TMC8: variants seen among roughly 807,000 people sequenced by gnomAD.
TMC8 encodes the protein transmembrane channel-like protein 8.
Under a neutral mutation model 76.0 loss-of-function variants are expected in TMC8, and 71 were observed. The observed-to-expected ratio is 0.93, with a 90% confidence interval of 0.77 to 1.14. TMC8 has a LOEUF of 1.14. TMC8 is among the 50% of genes most tolerant of loss of function. TMC8 has a pLI of 0.00. For missense variants in TMC8, 924 were observed against 947.9 expected (o/e 0.97, Z 0.33); for synonymous variants, 433 against 433.8 (o/e 1.00, Z 0.02).
In TMC8 at chr17:78,138,636, C is replaced by G. The variant is rs767967741; in HGVS notation, c.1727C>G (p.Pro576Arg). The G allele has an allele frequency of 3.1e-6, 5 of 1,613,846 alleles. No individual in the cohort carries two copies. The African/African-American group carries it at 6.7e-5, about 22-fold the overall frequency. ...TNYSAPWQVV[P>R]ELVALGLPPI... The stretch of plus-strand genomic sequence containing the variant: ...TACTCAGCACCCTGGCAAGTGGTCC[C>G]GGAGCTGGTGGCCCTTGGGCTCCCG... Residue 576 changes from proline to arginine, a missense_variant, in exon 14 of 16, where the codon CCG (proline) becomes CGG (arginine). Physicochemically the swap from Pro to Arg is moderately radical, Grantham distance 103. Transcript: ENST00000318430.
chr17:78,137,718 G>T lies in TMC8; in HGVS notation c.1253G>T (p.Cys418Phe). 1 of 1,613,334 alleles carries T rather than the reference G, an allele frequency of 6.2e-7. No individual in the cohort carries two copies. The highest frequency in any genetic ancestry group is 2.2e-5 in the East Asian group (1 of 44,886). The stretch of plus-strand genomic sequence containing the variant: ...GGGTCCCCTTCCCCTGCACCCCAGT[G>T]CTGGGAGAACTCCGTGGGGGAGGAG... ...SYGYNVCDYQCWENSVGEELY... is the reference protein window; with the variant it reads ...SYGYNVCDYQFWENSVGEELY... The change falls in exon 11 of 16, where the codon TGC (cysteine) becomes TTC (phenylalanine). Residue 418 changes from cysteine to phenylalanine, a missense_variant and splice_region_variant. Cys to Phe is a radical substitution (Grantham distance 205, BLOSUM62 -2). Transcript: ENST00000318430.
Position 78,138,496 on chromosome 17 carries a change from G to A in TMC8, c.1664+17G>A. On this transcript the variant is annotated intron_variant, in intron 13 of 15. Coordinates refer to ENST00000318430, the MANE Select transcript of TMC8 (RefSeq NM_152468.5). ...GGTCAGCAGGTGAGGGGAAGAGGAG[G>A]GGGGCACCCAGAGGCTGGCAGGGGC... The A allele has an allele frequency of 1.2e-6, 2 of 1,613,546 alleles. No homozygotes were observed. The highest frequency in any genetic ancestry group is 2.2e-5 in the South Asian group (2 of 91,078).
rs450474 is a variant in TMC8, at chr17:78,133,261, T to C, written c.532-145T>C. The C allele has an allele frequency of 0.11, 146,084 of 1,324,266 alleles. 9,674 individuals are homozygous for C. Among genetic ancestry groups the C allele is most frequent in the African/African-American group, 0.29 (20,134 of 69,332 alleles). 82.0% of individuals were successfully genotyped at this position (1,324,266 alleles called of 1,614,324 possible). A position where few individuals can be genotyped will look rare whatever the true frequency, so the allele number is the denominator to read the frequency against. On this transcript the variant is annotated intron_variant, in intron 5 of 15. Coordinates refer to ENST00000318430, the MANE Select transcript of TMC8 (RefSeq NM_152468.5). ...CAAAGCCCTGTGACCGTGGGCACGT[T>C]GCCGAACCTCTGTGGGCCCTTGTAA... is the stretch of plus-strand genomic sequence containing the variant.
chr17:78,134,573 C>A lies in TMC8; in HGVS notation c.987+9C>A, dbSNP rs543909170. The A allele has an allele frequency of 2.5e-6, 4 of 1,613,868 alleles. No homozygotes were observed. The African/African-American group carries it at 4.0e-5, about 16-fold the overall frequency. On this transcript the variant is annotated intron_variant, in intron 8 of 15. Transcript: ENST00000318430. ...CACAGGACAACAAGGAGGTGTCAGG[C>A]AACTGCATTCATTTAATCCTGGCCA...
At chr17:78,139,098 G>T in intron 14 of TMC8, 64 bp from the exon 15 acceptor site, 1 of 1,602,288 alleles carries the variant, frequency 6.2e-7, no homozygotes, top group Non-Finnish European at 8.5e-7. Context: ...GGGGAGAGAG[G>T]AAGTCAGGGA....
chr17:78,138,302 G>A, intron 12 of TMC8, 47 bp from the exon 13 acceptor site: 1 of 1,611,108 alleles, frequency 6.2e-7, no homozygotes, highest in African/African-American at 1.3e-5. Flanking sequence ...GCCCCCTGGG[G>A]TCTGCATAAC....
chr17:78,138,287 TGTCAGCCCCCTGGG>T (rs1396765230), intron 12 of TMC8, 48 bp from the exon 13 acceptor site: 1 of 1,611,476 alleles, frequency 6.2e-7, no homozygotes, highest in East Asian at 2.2e-5. Flanking sequence ...CTTCCCTGGG[TGTCAGCCCCCTGGG>T]GTCTGCATAA....
chr17:78,134,703 G>A, intron 8 of TMC8, 139 bp downstream of exon 8: 2 of 1,502,516 alleles, frequency 1.3e-6, no homozygotes, highest in Admixed American at 1.9e-5. Flanking sequence ...AGGCAGGCGG[G>A]CTCCCACTGG....
Position 78,134,404 on chromosome 17 carries a change from A to T in TMC8, c.827A>T (p.Glu276Val). 1 of 1,611,612 alleles carries T rather than the reference A, an allele frequency of 6.2e-7. No homozygotes were observed. The highest frequency in any genetic ancestry group is 8.5e-7 in the Non-Finnish European group (1 of 1,180,004). The change falls in exon 8 of 16, where the codon GAG (glutamate) becomes GTG (valine). Residue 276 changes from glutamate (E) to valine (V), a missense_variant. By Grantham distance (121) the Glu-to-Val change is moderately radical. Transcript: ENST00000318430. ...CACCCTTCCGGGCAGGTGGAGCTGG[A>T]GGAGGGCCGTCGCTTCCAGCTGATG... ...EISNEFKVEL[E>V]EGRRFQLMQQ...
Position 78,141,249 on chromosome 17 carries a change from A to G in TMC8, c.*137A>G. ...AGAGGTCCCCAAAGATGGACACACA[A>G]CCCCAGCGGCAGCAGGAAAAACATA... is the stretch of plus-strand genomic sequence containing the variant. On this transcript the variant is annotated 3_prime_UTR_variant, in exon 16 of 16. Transcript: ENST00000318430. The G allele has an allele frequency of 2.4e-6, 1 of 425,038 alleles. No homozygotes were observed. 26.3% of individuals were successfully genotyped at this position (425,038 alleles called of 1,614,324 possible).
intron 9 of TMC8, among the ~76,000 whole-genome samples, chr17:78,136,332 G>A (rs2145687441): frequency 6.6e-6 from 1 of 152,218 alleles, no homozygotes; most frequent in African/African-American, 2.4e-5. Context: ...TGGGCATGAT[G>A]AAAGACTAGG....
rs903461633 is a variant in TMC8, at chr17:78,133,442, C to T, written c.568C>T (p.Arg190Ter). The change falls in exon 6 of 16, where the codon CGA becomes TGA. Residue 190 changes from arginine (R) to a stop codon, truncating the protein, a stop_gained. Coordinates refer to ENST00000318430, the MANE Select transcript of TMC8 (RefSeq NM_152468.5). LOFTEE classifies it high-confidence loss of function. ...CACCTATCTCTTCTACGGTGCGTAC[C>T]GAGTGGGGCCGGAGAGCAGCTCCGT... ...TNTYLFYGAY[R>*]VGPESSSVYS... is the part of the protein sequence containing the mutation. The T allele has an allele frequency of 4.3e-6, 7 of 1,613,670 alleles. No individual in the cohort carries two copies. In the African/African-American group the frequency reaches 6.7e-5, roughly 15 times the overall value.
Position 78,131,303 on chromosome 17 carries a change from T to C in TMC8, c.-286T>C, listed in dbSNP as rs2074957929. On this transcript the variant is annotated 5_prime_UTR_variant, in exon 2 of 16. Coordinates refer to ENST00000318430, the MANE Select transcript of TMC8 (RefSeq NM_152468.5). ...CAGATGGGGAGACTGAGGCCGTGGC[T>C]GTGTGTCCCTCTGAGAGTTGGAGCG... The C allele has an allele frequency of 4.0e-5, 22 of 551,910 alleles. No homozygotes were observed. Among genetic ancestry groups the C allele is most frequent in the South Asian group, 3.8e-4 (19 of 49,998 alleles). The allele number at this position is 551,910 out of a possible 1,614,324, so 34.2% of individuals were successfully genotyped here.
chr17:78,140,148 C>A (rs2075336678), intron 15 of TMC8, among the ~76,000 whole-genome samples: 2 of 152,166 alleles, frequency 1.3e-5, no homozygotes, highest in Admixed American at 6.5e-5. Flanking sequence ...CATAGCAAGA[C>A]CTCGTCTCTA....
At chr17:78,133,567 C>A in intron 6 of TMC8, 25 bp downstream of exon 6, 1 of 1,607,504 alleles carries the variant, frequency 6.2e-7, no homozygotes, top group Non-Finnish European at 8.5e-7. Flanking sequence ...CACACCTTCA[C>A]CCCTTCCCCA....
intron 11 of TMC8, 35 bp downstream of exon 11, chr17:78,137,849 G>A (rs1466643984): frequency 3.7e-6 from 6 of 1,608,018 alleles, no homozygotes; most frequent in Non-Finnish European, 5.1e-6. Flanking sequence ...GAAGGGCGGG[G>A]GTGCCGCGAG....
intron 9 of TMC8, 132 bp from the exon 10 acceptor site, chr17:78,137,103 G>A (rs925121957): frequency 5.0e-6 from 7 of 1,408,440 alleles, no homozygotes; most frequent in Non-Finnish European, 6.8e-6. Flanking sequence ...GCCACAGACA[G>A]AGCAGGTTGG....
rs755307073 is a variant in TMC8, at chr17:78,134,974, C to T, written c.1092C>T (p.Tyr364=). ...LFTFLVQLEN[Y]PPNTEVNLTL... Reference sequence around the variant, plus strand: ...CATTTCTGGTCCAGCTGGAGAACTACCCTCCCAACACGGAGGTCAACCTCA... The same window carrying T: ...CATTTCTGGTCCAGCTGGAGAACTATCCTCCCAACACGGAGGTCAACCTCA... Residue 364 remains tyrosine (Y), a synonymous_variant, in exon 9 of 16, where the codon TAC becomes TAT. Coordinates refer to ENST00000318430, the MANE Select transcript of TMC8 (RefSeq NM_152468.5). 6.2e-7 allele frequency: 1 copy of T among 1,614,088 alleles called. No individual in the cohort carries two copies. Among genetic ancestry groups the T allele is most frequent in the South Asian group, 1.1e-5 (1 of 91,092 alleles).
intron 9 of TMC8, among the ~76,000 whole-genome samples, chr17:78,136,289 C>T (rs774515377): frequency 6.6e-6 from 1 of 152,040 alleles, no homozygotes; most frequent in Non-Finnish European, 1.5e-5. Context: ...CATGGCAAGA[C>T]CCCGTCTCTA....
Sources: allele counts gnomAD v4.1 joint callset (sites outside exome capture counted in the v4.1 genomes callset), GRCh38; gene constraint gnomAD v4.1.1; transcripts MANE v1.5; gene names NCBI Gene and HGNC (gene_info 2026-07-23, HGNC 2026-07-21).